Variants in SPMIP7 observed in about 807,000 individuals in gnomAD.
The protein encoded by SPMIP7 is protein SPMIP7.
chr7:50,129,790 A>G, the SPMIP7 span: 1 of 1,540,716 alleles, frequency 6.5e-7, no homozygotes, highest in Non-Finnish European at 8.8e-7. Context: ...TCCTCTACAC[A>G]AAAGTAAGCA....
chr7:50,145,435 A>T, the SPMIP7 span, among the ~76,000 whole-genome samples: 2 of 150,680 alleles, frequency 1.3e-5, no homozygotes, highest in Non-Finnish European at 3.0e-5. Flanking sequence ...ATGAGTCATC[A>T]GTACAAGGAA....
chr7:50,104,362 G>A, the SPMIP7 span: 2 of 1,541,790 alleles, frequency 1.3e-6, no homozygotes, highest in East Asian at 2.5e-5. Context: ...CATCATGAAG[G>A]ACGCTCATTA....
At chr7:50,123,500 T>A in the SPMIP7 span, among the ~76,000 whole-genome samples, 2 of 150,620 alleles carry the variant, frequency 1.3e-5, no homozygotes, top group African/African-American at 4.9e-5. Context: ...CGCACCAGCA[T>A]GTCACATGTA....
chr7:50,151,897 G>C, the SPMIP7 span, among the ~76,000 whole-genome samples: 1 of 152,164 alleles, frequency 6.6e-6, no homozygotes, highest in African/African-American at 2.4e-5. Context: ...ACTCACAGCT[G>C]TGCACACACA....
the SPMIP7 span, among the ~76,000 whole-genome samples, chr7:50,113,861 C>T: frequency 2.0e-5 from 3 of 151,334 alleles, no homozygotes; most frequent in Admixed American, 2.0e-4. Context: ...TAAAATTATG[C>T]CCAAAACACA....
chr7:50,125,175 T>TATATATACAC, the SPMIP7 span, among the ~76,000 whole-genome samples: 9 of 21,006 alleles, frequency 4.3e-4, 3 homozygotes, highest in African/African-American at 2.3e-3. Context: ...TATATACACA[T>TATATATACAC]ATATATACAC....
At chr7:50,095,914 T>C in the SPMIP7 span, 5 of 471,186 alleles carry the variant, frequency 1.1e-5, no homozygotes, top group Admixed American at 1.9e-4. Flanking sequence ...TGGAGGAAAA[T>C]ATTTGCCTTA....
At chr7:50,104,081 T>C in the SPMIP7 span, among the ~76,000 whole-genome samples, 2 of 152,340 alleles carry the variant, frequency 1.3e-5, no homozygotes, top group Non-Finnish European at 2.9e-5. Context: ...AGGTATCTTC[T>C]AATAATAAGT....
the SPMIP7 span, among the ~76,000 whole-genome samples, chr7:50,136,883 C>T: frequency 6.6e-6 from 1 of 152,098 alleles, no homozygotes; most frequent in South Asian, 2.1e-4. Context: ...ATTTTATGTA[C>T]ACAAAAATGT....
the SPMIP7 span, among the ~76,000 whole-genome samples, chr7:50,115,453 C>A: frequency 1.3e-5 from 2 of 152,020 alleles, no homozygotes; most frequent in Non-Finnish European, 2.9e-5. Context: ...ACTAACTTGA[C>A]CTAATTGATA....
the SPMIP7 span, among the ~76,000 whole-genome samples, chr7:50,097,508 G>A: frequency 6.6e-6 from 1 of 152,114 alleles, no homozygotes; most frequent in Non-Finnish European, 1.5e-5. Flanking sequence ...GTGAAACAGA[G>A]GAGTTTAGAG....
chr7:50,111,260 C>T, the SPMIP7 span, among the ~76,000 whole-genome samples: 1 of 151,846 alleles, frequency 6.6e-6, no homozygotes, highest in Non-Finnish European at 1.5e-5. Context: ...AAGAAAAGAG[C>T]TCTCTGCACA....
chr7:50,135,988 G>C, the SPMIP7 span: 27 of 751,368 alleles, frequency 3.6e-5, no homozygotes, highest in African/African-American at 4.7e-4. Flanking sequence ...TTCCTAGGGA[G>C]CCTGGGGCAT....
chr7:50,141,927 A>G, the SPMIP7 span: 1 of 152,476 alleles, frequency 6.6e-6, no homozygotes, highest in Non-Finnish European at 1.5e-5. Flanking sequence ...AGGGGGTTTC[A>G]CTGTGTTAGC....
At chr7:50,145,033 G>T in the SPMIP7 span, among the ~76,000 whole-genome samples, 1 of 151,868 alleles carries the variant, frequency 6.6e-6, no homozygotes, top group Non-Finnish European at 1.5e-5. Context: ...AAGCCGAGGC[G>T]GGTGGATCAC....
the SPMIP7 span, chr7:50,134,078 A>T: frequency 6.6e-7 from 1 of 1,512,486 alleles, no homozygotes; most frequent in South Asian, 1.3e-5. Context: ...TATGCTTTTC[A>T]TAAGATGTTC....
chr7:50,133,988 A>G, the SPMIP7 span: 1 of 847,618 alleles, frequency 1.2e-6, no homozygotes, highest in Admixed American at 2.9e-5. Flanking sequence ...TGGTATACAC[A>G]CCAAGGGGCA....
the SPMIP7 span, among the ~76,000 whole-genome samples, chr7:50,123,567 T>TAATTAATAAATA: frequency 6.8e-6 from 1 of 146,324 alleles, no homozygotes; most frequent in African/African-American, 2.5e-5. Context: ...TAAAGTATAA[T>TAATTAATAAATA]AATAAATAAA....
the SPMIP7 span, among the ~76,000 whole-genome samples, chr7:50,098,876 T>A: frequency 1.3e-5 from 2 of 152,136 alleles, no homozygotes; most frequent in African/African-American, 2.4e-5. Context: ...ATCTTTATAG[T>A]TAATTAACAT....
Sources: allele counts gnomAD v4.1 joint callset (sites outside exome capture counted in the v4.1 genomes callset), GRCh38; gene constraint gnomAD v4.1.1; transcripts MANE v1.5; gene names NCBI Gene and HGNC (gene_info 2026-07-23, HGNC 2026-07-21).